PLD5: variants seen among roughly 807,000 people sequenced by gnomAD.
The protein encoded by PLD5 is phospholipase D family member 5, also known as inactive phospholipase D5.
PLD5 carries 36 observed loss-of-function variants against 61.1 expected under a neutral mutation model. The observed-to-expected ratio is 0.59, with a 90% CI of 0.45 to 0.78. The LOEUF is 0.78. Ranked by LOEUF, PLD5 falls within the 30% of genes least tolerant of loss-of-function variation. PLD5 has a pLI of 0.00. For missense variants in PLD5, 515 were observed against 644.4 expected (o/e 0.80, Z 2.17); for synonymous variants, 243 against 242.8 (o/e 1.00, Z -0.01).
At chr1:242,251,515 T>G (rs1473368135) in intron 4 of PLD5, among the ~76,000 whole-genome samples, 1 of 152,136 alleles carries the variant, frequency 6.6e-6, no homozygotes, top group African/African-American at 2.4e-5. Flanking sequence ...CTGGAAGTCC[T>G]CCGGGACTTT....
chr1:242,272,610 C>T (rs565096924), intron 3 of PLD5, among the ~76,000 whole-genome samples: 3 of 152,190 alleles, frequency 2.0e-5, no homozygotes, highest in African/African-American at 7.2e-5. Context: ...TAAAACAAAT[C>T]TTATCTATTT....
At chr1:242,394,062 A>G (rs1347209421) in intron 1 of PLD5, among the ~76,000 whole-genome samples, 2 of 146,964 alleles carry the variant, frequency 1.4e-5, no homozygotes, top group African/African-American at 5.0e-5. Context: ...CATCTCAAAA[A>G]AAAACATATA....
chr1:242,324,854 C>T (rs752237298), intron 2 of PLD5, among the ~76,000 whole-genome samples: 2 of 152,158 alleles, frequency 1.3e-5, no homozygotes, highest in African/African-American at 4.8e-5. Context: ...CAGGAACTGA[C>T]TCAGCCCAAG....
chr1:242,457,889 C>G, intron 1 of PLD5, among the ~76,000 whole-genome samples: 1 of 152,170 alleles, frequency 6.6e-6, no homozygotes, highest in East Asian at 1.9e-4. Context: ...GATGGACGCT[C>G]CTATCGAGGT....
In PLD5 at chr1:242,194,606, G is replaced by GTATCTATCTATC. The variant is rs61470956; in HGVS notation, c.735+25381_735+25382insGATAGATAGATA. Among the ~76,000 whole-genome samples the GTATCTATCTATC allele has an allele frequency of 6.5e-5, 8 of 123,574 alleles. 1 individual carries two copies. The highest frequency in any genetic ancestry group is 3.7e-4 in the Admixed American group (4 of 10,840). The allele number at this position is 123,574 out of a possible 152,430, so 81.1% of individuals were successfully genotyped here. ...TCTATCTATCTATCTATCTATCTATGTATCTATCTATGTATCTATCTATCT... is the reference window on the plus strand; with the variant it reads ...TCTATCTATCTATCTATCTATCTATGTATCTATCTATCTATCTATCTATGTATCTATCTATCT... On this transcript the variant is annotated intron_variant, in intron 5 of 9. Coordinates refer to ENST00000536534, the MANE Select transcript of PLD5 (RefSeq NM_001372062.1).
chr1:242,486,148 GGCATGGGCAAGGAC>G (rs1265156744), intron 1 of PLD5, among the ~76,000 whole-genome samples: 2 of 152,078 alleles, frequency 1.3e-5, no homozygotes, highest in Non-Finnish European at 2.9e-5. Context: ...TCAGGACATA[GGCATGGGCAAGGAC>G]TTCATGTCGA....
intron 1 of PLD5, among the ~76,000 whole-genome samples, chr1:242,485,550 C>T (rs1032174446): frequency 6.6e-6 from 1 of 152,086 alleles, no homozygotes; most frequent in Admixed American, 6.5e-5. Flanking sequence ...AACCACTGAA[C>T]AATGAAATAA....
At chr1:242,225,707 T>C (rs1377616476) in intron 4 of PLD5, among the ~76,000 whole-genome samples, 2 of 152,184 alleles carry the variant, frequency 1.3e-5, no homozygotes, top group African/African-American at 4.8e-5. Flanking sequence ...GGAACAGTGG[T>C]TTGTTTCTCT....
chr1:242,517,893 A>AT (rs953927494), intron 1 of PLD5, among the ~76,000 whole-genome samples: 26 of 149,462 alleles, frequency 1.7e-4, no homozygotes, highest in South Asian at 8.5e-4. Flanking sequence ...GCCAATTGGT[A>AT]TTTTTTTTTT....
chr1:242,206,292 G>A (rs754127003), intron 5 of PLD5, among the ~76,000 whole-genome samples: 2 of 152,186 alleles, frequency 1.3e-5, no homozygotes, highest in Non-Finnish European at 2.9e-5. Flanking sequence ...TACTCCCTCT[G>A]GCTGAGTTCT....
In PLD5 at chr1:242,443,433, G is replaced by T. The variant is rs140210383; in HGVS notation, c.189+80655C>A. Among the ~76,000 whole-genome samples the T allele has an allele frequency of 1.3e-3, 203 of 152,200 alleles. 1 individual carries two copies. Among genetic ancestry groups the T allele is most frequent in the African/African-American group, 4.5e-3 (186 of 41,530 alleles). On this transcript the variant is annotated intron_variant, in intron 1 of 9. Coordinates refer to ENST00000536534, the MANE Select transcript of PLD5 (RefSeq NM_001372062.1). ...ATCAAGGAAGGTGAACTGGTTGGTGGGTCTTAGGGAGTCTGGGCACTTCAT... is the reference window on the plus strand; with the variant it reads ...ATCAAGGAAGGTGAACTGGTTGGTGTGTCTTAGGGAGTCTGGGCACTTCAT...
chr1:242,091,401 C>G (rs1236310879), intron 9 of PLD5, among the ~76,000 whole-genome samples: 2 of 152,148 alleles, frequency 1.3e-5, no homozygotes, highest in African/African-American at 4.8e-5. Flanking sequence ...TAGAGTAATG[C>G]CATTTTCAGT....
At chr1:242,474,543 G>A (rs1408939274) in intron 1 of PLD5, among the ~76,000 whole-genome samples, 1 of 152,102 alleles carries the variant, frequency 6.6e-6, no homozygotes, top group Non-Finnish European at 1.5e-5. Flanking sequence ...AGCCTAAACT[G>A]GTCTCCCTGT....
At chr1:242,497,204 GC>G (rs1292949761) in intron 1 of PLD5, among the ~76,000 whole-genome samples, 3 of 152,198 alleles carry the variant, frequency 2.0e-5, no homozygotes, top group Admixed American at 1.3e-4. Context: ...CAGATTAGGA[GC>G]CTGAGCTGGG....
chr1:242,482,012 G>A (rs1485391159), intron 1 of PLD5, among the ~76,000 whole-genome samples: 2 of 152,118 alleles, frequency 1.3e-5, no homozygotes, highest in Non-Finnish European at 2.9e-5. Context: ...ATTGTTAGAA[G>A]GAAAACTAAC....
At chr1:242,413,208 C>T (rs925582611) in intron 1 of PLD5, among the ~76,000 whole-genome samples, 2 of 152,166 alleles carry the variant, frequency 1.3e-5, no homozygotes, top group Non-Finnish European at 2.9e-5. Flanking sequence ...CTTTTCCTCT[C>T]TATCTTGAAA....
chr1:242,382,537 G>A (rs1662358870), intron 1 of PLD5, among the ~76,000 whole-genome samples: 1 of 152,144 alleles, frequency 6.6e-6, no homozygotes, highest in African/African-American at 2.4e-5. Context: ...TCTGCCCCAA[G>A]TTGCTAAGCT....
At chr1:242,099,434 T>A (rs1407734407) in intron 9 of PLD5, among the ~76,000 whole-genome samples, 1 of 152,168 alleles carries the variant, frequency 6.6e-6, no homozygotes, top group African/African-American at 2.4e-5. Context: ...GCCAGATATA[T>A]ATCTTTAAAA....
At chr1:242,464,676 T>G (rs1354890829) in intron 1 of PLD5, among the ~76,000 whole-genome samples, 6 of 152,120 alleles carry the variant, frequency 3.9e-5, no homozygotes, top group Non-Finnish European at 5.9e-5. Context: ...CCCAAAGAAC[T>G]GAAAACAAGG....
Sources: gnomAD v4.1 joint callset for allele counts (sites outside exome capture counted in the v4.1 genomes callset) on GRCh38, gnomAD v4.1.1 for gene constraint, MANE v1.5 for transcripts, NCBI Gene and HGNC (gene_info 2026-07-23, HGNC 2026-07-21) for gene names.